Variants in DTNB observed in about 807,000 individuals in gnomAD.
The protein encoded by DTNB is DTN-B.
A neutral mutation model predicts 90.7 loss-of-function variants in DTNB; 63 were observed. The observed-to-expected ratio is 0.69, with a 90% CI of 0.57 to 0.86. The LOEUF (loss-of-function observed/expected upper bound fraction) is 0.86, where lower values mean the gene tolerates loss of function less well. Among genes scored for constraint, DTNB ranks in the 40% least tolerant of loss-of-function variants. The pLI, the probability that DTNB is intolerant of heterozygous loss-of-function variation, is 0.00. For missense variants in DTNB, 744 were observed against 807.1 expected, an observed-to-expected ratio of 0.92 and a Z score of 0.95; for synonymous variants, 277 against 286.7, an observed-to-expected ratio of 0.97 and a Z score of 0.34.
chr2:25,586,792 T>C (rs1432367689), intron 6 of DTNB, among the ~76,000 whole-genome samples: 1 of 152,192 alleles, frequency 6.6e-6, no homozygotes, highest in African/African-American at 2.4e-5. Context: ...CAGGGGTTAC[T>C]GGCATTTCAG....
intron 8 of DTNB, among the ~76,000 whole-genome samples, chr2:25,546,132 C>G (rs2082353869): frequency 6.6e-6 from 1 of 152,178 alleles, no homozygotes; most frequent in East Asian, 1.9e-4. Flanking sequence ...TAGACTGTGA[C>G]TTGCATCAAC....
intron 10 of DTNB, among the ~76,000 whole-genome samples, chr2:25,466,576 G>A (rs774538911): frequency 6.6e-6 from 1 of 152,192 alleles, no homozygotes; most frequent in Non-Finnish European, 1.5e-5. Flanking sequence ...ACTCAGCCAG[G>A]CGAGTGCTGC....
intron 8 of DTNB, among the ~76,000 whole-genome samples, chr2:25,567,677 T>C (rs1173519506): frequency 6.6e-6 from 1 of 152,182 alleles, no homozygotes; most frequent in Non-Finnish European, 1.5e-5. Flanking sequence ...ATGAAGGCCC[T>C]CTACTAACTG....
chr2:25,547,323 C>CTTTTTTTTT (rs57298172), intron 8 of DTNB, among the ~76,000 whole-genome samples: 1 of 115,612 alleles, frequency 8.6e-6, no homozygotes. Context: ...TCTTTCTTTC[C>CTTTTTTTTT]TTTTTTTTTT....
At chr2:25,661,334 T>A (rs1332658574) in intron 1 of DTNB, among the ~76,000 whole-genome samples, 1 of 152,148 alleles carries the variant, frequency 6.6e-6, no homozygotes, top group Non-Finnish European at 1.5e-5. Context: ...ACAGAATTTG[T>A]ACAAACCGGT....
chr2:25,488,817 A>C (rs190657150), intron 9 of DTNB, among the ~76,000 whole-genome samples: 61 of 152,150 alleles, frequency 4.0e-4, no homozygotes, highest in African/African-American at 1.4e-3. Context: ...TGCCCGGCTA[A>C]TTTTTGTATT....
chr2:25,611,575 G>A (rs556182607), intron 4 of DTNB, among the ~76,000 whole-genome samples: 1 of 152,324 alleles, frequency 6.6e-6, no homozygotes, highest in African/African-American at 2.4e-5. Flanking sequence ...AGAGGGCCAA[G>A]GGTACTGGCA....
At chr2:25,571,447 T>C (rs2059851429) in intron 8 of DTNB, among the ~76,000 whole-genome samples, 2 of 152,184 alleles carry the variant, frequency 1.3e-5, no homozygotes, top group Admixed American at 1.3e-4. Flanking sequence ...TTTCACCTTG[T>C]CTCCTACAAT....
chr2:25,494,094 A>T (rs1335012227), intron 9 of DTNB, among the ~76,000 whole-genome samples: 1 of 152,212 alleles, frequency 6.6e-6, no homozygotes, highest in Non-Finnish European at 1.5e-5. Context: ...TGGGGGGAAG[A>T]CAGTGCCTAA....
intron 9 of DTNB, among the ~76,000 whole-genome samples, chr2:25,530,266 C>T (rs1230849840): frequency 6.6e-6 from 1 of 151,978 alleles, no homozygotes; most frequent in Non-Finnish European, 1.5e-5. Context: ...AAAACACCGT[C>T]TCTACTAAAA....
At chr2:25,493,969 T>C (rs1403506449) in intron 9 of DTNB, among the ~76,000 whole-genome samples, 1 of 152,206 alleles carries the variant, frequency 6.6e-6, no homozygotes, top group Non-Finnish European at 1.5e-5. Flanking sequence ...TCATTTGATA[T>C]AAACAAAAAC....
chr2:25,643,478 T>C (rs188811942), intron 2 of DTNB, among the ~76,000 whole-genome samples: 241 of 152,292 alleles, frequency 1.6e-3, no homozygotes, highest in African/African-American at 5.7e-3. Flanking sequence ...CACGTTAAAA[T>C]TGGGAAGTTG....
At chr2:25,544,212 CA>C (rs2081969954) in intron 8 of DTNB, among the ~76,000 whole-genome samples, 1 of 152,142 alleles carries the variant, frequency 6.6e-6, no homozygotes, top group Non-Finnish European at 1.5e-5. Context: ...GGACAGATTC[CA>C]AAGTGGGCAG....
Position 25,424,375 on chromosome 2 carries a change from G to A in DTNB, c.1554+3160C>T, listed in dbSNP as rs954131206. Among the ~76,000 whole-genome samples the A allele has an allele frequency of 2.0e-5, 3 of 152,116 alleles. No homozygotes were observed. The highest frequency in any genetic ancestry group is 4.4e-5 in the Non-Finnish European group (3 of 68,030). ...GGATCAGAGTTGCGGGCATTAGCTC[G>A]TTCTGCTTAGCCCTTGAATACAAGC... On this transcript the variant is annotated intron_variant, in intron 15 of 20. Transcript: ENST00000406818. The surrounding 1 kb of genome is among the most constrained non-coding windows in gnomAD (Gnocchi z 4.1).
chr2:25,586,326 C>CA (rs2062397817), intron 6 of DTNB, among the ~76,000 whole-genome samples: 1 of 151,522 alleles, frequency 6.6e-6, no homozygotes, highest in South Asian at 2.1e-4. Flanking sequence ...GCTTGGCCAA[C>CA]ATGGTGAAAC....
At chr2:25,471,752 T>C (rs112616333) in intron 10 of DTNB, among the ~76,000 whole-genome samples, 2 of 152,178 alleles carry the variant, frequency 1.3e-5, no homozygotes, top group African/African-American at 2.4e-5. Context: ...AGAAAACATA[T>C]CTAGTCCTTC....
At chr2:25,673,151 G>A (rs2086499743) in intron 1 of DTNB, among the ~76,000 whole-genome samples, 1 of 151,508 alleles carries the variant, frequency 6.6e-6, no homozygotes. Flanking sequence ...CCCGGGATCC[G>A]CCGCATCCCC....
At chr2:25,379,473 T>TC in intron 19 of DTNB, 150 bp from the exon 20 acceptor site, 2 of 1,009,042 alleles carry the variant, frequency 2.0e-6, no homozygotes, top group Non-Finnish European at 2.6e-6. Context: ...CCCACCCAGG[T>TC]ATGACAGCAG....
At chr2:25,562,116 A>G (rs2058357209) in intron 8 of DTNB, among the ~76,000 whole-genome samples, 1 of 152,128 alleles carries the variant, frequency 6.6e-6, no homozygotes, top group Non-Finnish European at 1.5e-5. Context: ...TCATTTGCCT[A>G]TTCTGTATAT....
Sources: allele counts gnomAD v4.1 joint callset (sites outside exome capture counted in the v4.1 genomes callset), GRCh38; gene constraint gnomAD v4.1.1; non-coding constraint Gnocchi (gnomAD v3.1); transcripts MANE v1.5; gene names NCBI Gene and HGNC (gene_info 2026-07-23, HGNC 2026-07-21).